The following FERMT2 variants were observed in gnomAD, a reference collection of about 807,000 sequenced individuals.
FERMT2 encodes the protein fermitin family homolog 2.
Under a neutral mutation model 82.7 loss-of-function variants are expected in FERMT2, and 15 were observed. That is an observed-to-expected ratio of 0.18 (90% CI 0.12 to 0.28). The LOEUF is 0.28. Among genes scored for constraint, FERMT2 ranks in the 10% least tolerant of loss-of-function variants. The pLI is 1.00. For missense variants in FERMT2, 645 were observed against 809.4 expected (o/e 0.80, Z 2.46); for synonymous variants, 274 against 271.5 (o/e 1.01, Z -0.09).
chr14:52,922,620 G>T (rs374812952), intron 2 of FERMT2, among the ~76,000 whole-genome samples: 2 of 152,120 alleles, frequency 1.3e-5, no homozygotes, highest in Non-Finnish European at 2.9e-5. Context: ...GGAGCTTTTG[G>T]GTACAAAATT....
At chr14:52,946,323 T>G (rs1890353678) in intron 2 of FERMT2, among the ~76,000 whole-genome samples, 1 of 151,580 alleles carries the variant, frequency 6.6e-6, no homozygotes, top group Non-Finnish European at 1.5e-5. Context: ...ATTTTTCTTT[T>G]AAAAAACACT....
chr14:52,935,664 G>T (rs756157900), intron 2 of FERMT2, among the ~76,000 whole-genome samples: 3 of 152,172 alleles, frequency 2.0e-5, no homozygotes, highest in Admixed American at 6.5e-5. Flanking sequence ...TACTGTTTAA[G>T]CCACCCAGGA....
chr14:52,950,378 G>A (rs1890572090), intron 2 of FERMT2, 34 bp downstream of exon 2: 3 of 1,602,466 alleles, frequency 1.9e-6, no homozygotes, highest in East Asian at 4.5e-5. Context: ...ATTCTGGGAA[G>A]TCATTAGTTG....
intron 2 of FERMT2, among the ~76,000 whole-genome samples, chr14:52,929,042 G>T (rs536305896): frequency 1.3e-5 from 2 of 152,074 alleles, no homozygotes; most frequent in East Asian, 3.9e-4. Context: ...CTACTCAGAC[G>T]CCAGCCTATA....
intron 12 of FERMT2, chr14:52,862,968 G>A (rs1385421320): frequency 6.6e-6 from 1 of 152,212 alleles, no homozygotes; most frequent in Non-Finnish European, 1.5e-5. Context: ...ACTGTGAAAT[G>A]ATAAAATTGG....
At chr14:52,948,104 C>T (rs915613303) in intron 2 of FERMT2, among the ~76,000 whole-genome samples, 1 of 152,180 alleles carries the variant, frequency 6.6e-6, no homozygotes, top group African/African-American at 2.4e-5. Context: ...AAACCTGAGA[C>T]AACAGACTTT....
intron 12 of FERMT2, chr14:52,860,967 A>C: frequency 7.1e-7 from 1 of 1,404,608 alleles, no homozygotes; most frequent in Middle Eastern, 1.8e-4. Context: ...TGTGGCTATG[A>C]ATTTTTATTT....
At chr14:52,870,438 G>A (rs1241983817) in intron 10 of FERMT2, among the ~76,000 whole-genome samples, 7 of 151,982 alleles carry the variant, frequency 4.6e-5, no homozygotes, top group South Asian at 2.1e-4. Context: ...TAGTAGAGAC[G>A]GGGTTTCTCC....
intron 4 of FERMT2, among the ~76,000 whole-genome samples, chr14:52,886,784 AC>A (rs1886636499): frequency 2.0e-5 from 3 of 152,198 alleles, no homozygotes; most frequent in Admixed American, 6.5e-5. Context: ...CAAACTTACA[AC>A]CTCGTTATAT....
chr14:52,919,809 A>G (rs535885635), intron 2 of FERMT2, among the ~76,000 whole-genome samples: 4 of 152,348 alleles, frequency 2.6e-5, no homozygotes, highest in South Asian at 2.1e-4. Context: ...TGGGTGGTGA[A>G]AAGATGGGGA....
At chr14:52,889,537 A>G (rs750758927) in intron 4 of FERMT2, among the ~76,000 whole-genome samples, 2 of 152,214 alleles carry the variant, frequency 1.3e-5, no homozygotes, top group Non-Finnish European at 2.9e-5. Flanking sequence ...GAACAGCCCA[A>G]TGATGCAATG....
chr14:52,944,132 C>T (rs1246105590), intron 2 of FERMT2, among the ~76,000 whole-genome samples: 2 of 152,132 alleles, frequency 1.3e-5, no homozygotes, highest in Non-Finnish European at 2.9e-5. Flanking sequence ...TTTTAAAGAA[C>T]TTAAAATTTG....
intron 2 of FERMT2, among the ~76,000 whole-genome samples, chr14:52,929,747 C>A (rs1465950007): frequency 6.6e-6 from 1 of 152,120 alleles, no homozygotes; most frequent in South Asian, 2.1e-4. Flanking sequence ...GTCCTATGTC[C>A]CCCCATACTG....
chr14:52,873,469 G>A (rs2140094725), intron 9 of FERMT2, among the ~76,000 whole-genome samples: 1 of 152,340 alleles, frequency 6.6e-6, no homozygotes, highest in Non-Finnish European at 1.5e-5. Flanking sequence ...ATGAGGATGT[G>A]TAAGGAAAGG....
chr14:52,859,412 T>C (rs972618693), intron 14 of FERMT2, 161 bp downstream of exon 14: 5 of 640,114 alleles, frequency 7.8e-6, no homozygotes, highest in African/African-American at 7.5e-5. Flanking sequence ...AATTATGAAA[T>C]AGGCAAATTT....
chr14:52,871,873 T>C (rs1280525324), intron 10 of FERMT2: 1 of 152,198 alleles, frequency 6.6e-6, no homozygotes, highest in Non-Finnish European at 1.5e-5. Context: ...AGAAAACCAG[T>C]GAGACTCAAG....
At chr14:52,880,275 T>G (rs1015055343) in intron 6 of FERMT2, among the ~76,000 whole-genome samples, 1 of 152,310 alleles carries the variant, frequency 6.6e-6, no homozygotes, top group Middle Eastern at 3.4e-3. Context: ...AACGTTTTTT[T>G]GAAGCAACAT....
intron 4 of FERMT2, chr14:52,881,709 A>C (rs971097411): frequency 4.5e-5 from 55 of 1,228,638 alleles, no homozygotes; most frequent in Non-Finnish European, 8.7e-6. Flanking sequence ...TGGGGAAAAA[A>C]AATCAGTTCA....
chr14:52,873,881 C>T (rs1413412996), intron 9 of FERMT2, among the ~76,000 whole-genome samples: 1 of 151,904 alleles, frequency 6.6e-6, no homozygotes, highest in Non-Finnish European at 1.5e-5. Flanking sequence ...CAACTGAGGC[C>T]CGGAGGGGCT....
Sources: allele counts gnomAD v4.1 joint callset (sites outside exome capture counted in the v4.1 genomes callset), GRCh38; gene constraint gnomAD v4.1.1; transcripts MANE v1.5; gene names NCBI Gene and HGNC (gene_info 2026-07-23, HGNC 2026-07-21).